Variants in CCDC138 observed in about 807,000 individuals in gnomAD.
CCDC138 encodes the protein coiled-coil domain-containing protein 138.
Under a neutral mutation model 82.3 loss-of-function variants are expected in CCDC138, and 66 were observed. That is an observed-to-expected ratio of 0.80 (90% CI 0.66 to 0.98). The LOEUF is 0.98. CCDC138 is among the 50% of genes least tolerant of loss of function. The pLI is 0.00. For missense variants in CCDC138, 816 were observed against 758.9 expected, an observed-to-expected ratio of 1.08 and a Z score of -0.88; for synonymous variants, 297 against 265.4, an observed-to-expected ratio of 1.12 and a Z score of -1.16.
chr2:108,793,338 A>T (rs1380464055), intron 4 of CCDC138, among the ~76,000 whole-genome samples: 1 of 152,110 alleles, frequency 6.6e-6, no homozygotes, highest in Non-Finnish European at 1.5e-5. Context: ...GTCTCAAAAA[A>T]CAAAACAAAA....
intron 11 of CCDC138, among the ~76,000 whole-genome samples, chr2:108,843,930 G>T (rs1324928305): frequency 9.5e-5 from 10 of 105,332 alleles, no homozygotes; most frequent in African/African-American, 3.5e-4. Flanking sequence ...TTGCTCTGTT[G>T]CCCAGGCTGG....
Position 108,798,417 on chromosome 2 carries a change from T to G in CCDC138, c.577-11T>G. On this transcript the variant is annotated splice_polypyrimidine_tract_variant and intron_variant, in intron 5 of 14. Transcript: ENST00000295124. Reference sequence around the variant, plus strand: ...TTTTCAAGAGCATTAAAGTCTGGCATTTTGATACAGTGTGAAACTGCAGCA... The same window carrying G: ...TTTTCAAGAGCATTAAAGTCTGGCAGTTTGATACAGTGTGAAACTGCAGCA... 6.2e-7 allele frequency: 1 copy of G among 1,602,658 alleles called. No individual in the cohort carries two copies. Among genetic ancestry groups the G allele is most frequent in the Non-Finnish European group, 8.5e-7 (1 of 1,174,954 alleles).
chr2:108,794,706 A>G lies in CCDC138; in HGVS notation c.561A>G (p.Ile187Met), dbSNP rs2149481349. The G allele has an allele frequency of 1.2e-6, 2 of 1,603,636 alleles. No individual in the cohort carries two copies. The highest frequency in any genetic ancestry group is 1.7e-6 in the Non-Finnish European group (2 of 1,170,984). The change falls in exon 5 of 15, where the codon ATA becomes ATG. Residue 187 changes from isoleucine to methionine, a missense_variant. Coordinates refer to ENST00000295124, the MANE Select transcript of CCDC138 (RefSeq NM_144978.3). The stretch of plus-strand genomic sequence containing the variant: ...AGATATATGACGAATTATTTCAGAT[A>G]CATCTGAAATTGCAGGTAAGAACTA... ...ISQIYDELFQ[I>M]HLKLQCETAA...
chr2:108,869,961 A>T (rs1022107472), intron 13 of CCDC138, among the ~76,000 whole-genome samples: 1 of 152,234 alleles, frequency 6.6e-6, no homozygotes, highest in Non-Finnish European at 1.5e-5. Context: ...TCCTGTAAAG[A>T]CACACAAATT....
At chr2:108,845,158 T>C (rs577207703) in intron 11 of CCDC138, among the ~76,000 whole-genome samples, 5 of 152,326 alleles carry the variant, frequency 3.3e-5, no homozygotes, top group East Asian at 1.9e-4. Context: ...AACACACTTA[T>C]TGTAAGTAGA....
downstream of CCDC138, among the ~76,000 whole-genome samples, chr2:108,880,191 TAAA>T (rs10714990): frequency 8.0e-4 from 118 of 148,108 alleles, 1 homozygote; most frequent in African/African-American, 2.6e-3. Context: ...CAGGGTAACT[TAAA>T]AAAAAAAAAC....
Position 108,811,395 on chromosome 2 carries a change from C to T in CCDC138, c.856-1236C>T, listed in dbSNP as rs147076284. Among the ~76,000 whole-genome samples the T allele has an allele frequency of 1.7e-3, 258 of 151,904 alleles. 2 individuals carry two copies. The highest frequency in any genetic ancestry group is 4.5e-3 in the African/African-American group (186 of 41,420). On this transcript the variant is annotated intron_variant, in intron 7 of 14. Coordinates refer to ENST00000295124, the MANE Select transcript of CCDC138 (RefSeq NM_144978.3). ...TAGTAGCTGGGACTGCAGGCATGCA[C>T]CACCACCTCTAGTTAATTTTTTAAT...
chr2:108,825,625 T>C (rs752942413), intron 10 of CCDC138, among the ~76,000 whole-genome samples: 9 of 152,212 alleles, frequency 5.9e-5, no homozygotes, highest in Non-Finnish European at 1.2e-4. Flanking sequence ...TGTTGTCACA[T>C]GTGTCAATAC....
chr2:108,843,675 T>A (rs1362563744), intron 11 of CCDC138, among the ~76,000 whole-genome samples: 2 of 152,118 alleles, frequency 1.3e-5, no homozygotes, highest in African/African-American at 4.8e-5. Context: ...AAGGTGTCAT[T>A]TCTCTCACAC....
At chr2:108,883,931 T>A (rs1377072682) in intron 2 of CCDC138, 1 of 125,780 alleles carries the variant, frequency 8.0e-6, no homozygotes, top group African/African-American at 2.9e-5. Flanking sequence ...TTTGATTTTT[T>A]GTTTGAGGCA....
At chr2:108,832,528 G>C (rs1374639713) in intron 10 of CCDC138, among the ~76,000 whole-genome samples, 1 of 151,894 alleles carries the variant, frequency 6.6e-6, no homozygotes, top group Non-Finnish European at 1.5e-5. Context: ...TGTATTTTTA[G>C]TAGAGACGGG....
At chr2:108,873,618 T>C in intron 14 of CCDC138, 29 bp downstream of exon 14, 1 of 1,467,572 alleles carries the variant, frequency 6.8e-7, no homozygotes, top group Non-Finnish European at 9.4e-7. Flanking sequence ...TAACATTTTT[T>C]ATTGAAAAAT....
intron 6 of CCDC138, among the ~76,000 whole-genome samples, chr2:108,804,294 T>C (rs1682476698): frequency 6.6e-6 from 1 of 152,302 alleles, no homozygotes; most frequent in Non-Finnish European, 1.5e-5. Flanking sequence ...CATTTAAATG[T>C]AATTAGAGGG....
At chr2:108,815,684 A>G (rs1385596893) in intron 9 of CCDC138, among the ~76,000 whole-genome samples, 1 of 150,734 alleles carries the variant, frequency 6.6e-6, no homozygotes, top group South Asian at 2.1e-4. Flanking sequence ...CTGGTCTCGA[A>G]CTCCTAGGGA....
At chr2:108,808,116 C>A (rs1269920734) in intron 7 of CCDC138, among the ~76,000 whole-genome samples, 1 of 152,148 alleles carries the variant, frequency 6.6e-6, no homozygotes, top group Non-Finnish European at 1.5e-5. Flanking sequence ...GTGGTAAGGT[C>A]TTTCAGGTTC....
chr2:108,803,144 A>G (rs10190045), intron 6 of CCDC138, among the ~76,000 whole-genome samples: 123,974 of 152,240 alleles, frequency 0.81, 50,618 homozygotes, highest in East Asian at 0.95. Flanking sequence ...AAGAGGCATT[A>G]AAGTGTTAGC....
chr2:108,788,146 C>T (rs1679234139), intron 2 of CCDC138, 57 bp downstream of exon 2: 10 of 1,555,960 alleles, frequency 6.4e-6, no homozygotes, highest in East Asian at 4.6e-5. Context: ...AGGCTGGGCG[C>T]GGTGGCTCAC....
chr2:108,868,087 G>A (rs1215127544), intron 13 of CCDC138, among the ~76,000 whole-genome samples: 2 of 152,194 alleles, frequency 1.3e-5, no homozygotes, highest in Non-Finnish European at 2.9e-5. Context: ...ACCAAAGAGT[G>A]TGCTAACTTG....
intron 5 of CCDC138, among the ~76,000 whole-genome samples, chr2:108,796,180 C>T (rs1343387654): frequency 6.6e-6 from 1 of 152,122 alleles, no homozygotes; most frequent in African/African-American, 2.4e-5. Flanking sequence ...TCCCGAGTAG[C>T]TGGGACTACA....
Sources: gnomAD v4.1 joint callset for allele counts (sites outside exome capture counted in the v4.1 genomes callset) on GRCh38, gnomAD v4.1.1 for gene constraint, MANE v1.5 for transcripts, NCBI Gene and HGNC (gene_info 2026-07-23, HGNC 2026-07-21) for gene names.